CAMK1D: variants seen among roughly 807,000 people sequenced by gnomAD.
The protein encoded by CAMK1D is calcium/calmodulin-dependent protein kinase type 1D.
Under a neutral mutation model 47.7 loss-of-function variants are expected in CAMK1D, and 9 were observed. The observed-to-expected ratio is 0.19, with a 90% confidence interval of 0.11 to 0.33. The LOEUF is 0.33. CAMK1D is among the 10% of genes least tolerant of loss of function. The pLI is 1.00. For synonymous variants in CAMK1D, 184 were observed against 184.9 expected (o/e 0.99, Z 0.04); for missense variants, 291 against 488.7 (o/e 0.60, Z 3.81).
At chr10:12,505,049 A>G (rs1834828533) in intron 1 of CAMK1D, among the ~76,000 whole-genome samples, 1 of 152,168 alleles carries the variant, frequency 6.6e-6, no homozygotes, top group East Asian at 1.9e-4. Flanking sequence ...GTCAGGTACC[A>G]TCATCATTTT....
At chr10:12,485,280 C>T (rs922426271) in intron 1 of CAMK1D, among the ~76,000 whole-genome samples, 2 of 152,148 alleles carry the variant, frequency 1.3e-5, no homozygotes, top group African/African-American at 2.4e-5. Flanking sequence ...GGCTGCCTCT[C>T]GGCTGTCCCT....
intron 1 of CAMK1D, among the ~76,000 whole-genome samples, chr10:12,476,564 A>G (rs777779491): frequency 2.0e-4 from 31 of 152,334 alleles, no homozygotes; most frequent in Non-Finnish European, 3.8e-4. Flanking sequence ...TTACTCAGCG[A>G]AGATCATTAT....
At chr10:12,695,413 C>T (rs972806416) in intron 3 of CAMK1D, among the ~76,000 whole-genome samples, 1 of 152,146 alleles carries the variant, frequency 6.6e-6, no homozygotes, top group African/African-American at 2.4e-5. Context: ...CAAGGCGTGC[C>T]CTTCATAGGC....
chr10:12,563,007 A>T (rs542562301), intron 2 of CAMK1D, among the ~76,000 whole-genome samples: 38 of 152,334 alleles, frequency 2.5e-4, no homozygotes, highest in Middle Eastern at 6.8e-3. Context: ...AAGCAATAGG[A>T]TATATGTAGA....
chr10:12,739,760 G>A (rs1009003846), intron 3 of CAMK1D, among the ~76,000 whole-genome samples: 4 of 152,192 alleles, frequency 2.6e-5, no homozygotes, highest in African/African-American at 9.6e-5. Flanking sequence ...CTTGTAATCA[G>A]AAATTTCAAA....
At chr10:12,592,254 C>CT (rs577386860) in intron 2 of CAMK1D, among the ~76,000 whole-genome samples, 1 of 152,310 alleles carries the variant, frequency 6.6e-6, no homozygotes, top group African/African-American at 2.4e-5. Context: ...CAGGCACCCT[C>CT]TATCTTTCTC....
Position 12,542,853 on chromosome 10 carries a change from C to T in CAMK1D, c.93-10372C>T, listed in dbSNP as rs1331816879. Among the ~76,000 whole-genome samples the T allele has an allele frequency of 3.9e-5, 6 of 152,250 alleles. No homozygotes were observed. In the South Asian group the frequency reaches 1.2e-3, roughly 32 times the overall value. On this transcript the variant is annotated intron_variant, in intron 1 of 10. Coordinates refer to ENST00000619168, the MANE Select transcript of CAMK1D (RefSeq NM_153498.4). The stretch of plus-strand genomic sequence containing the variant: ...CTCCGCCTCCCGGGTTTGAGCAATT[C>T]TCCTGCCTCAGCCTCCCAAGTAGCT...
chr10:12,396,288 C>T (rs902154337), intron 1 of CAMK1D, among the ~76,000 whole-genome samples: 1 of 152,198 alleles, frequency 6.6e-6, no homozygotes, highest in African/African-American at 2.4e-5. Context: ...GGTGTCCTGT[C>T]TTCTTTACTA....
intron 5 of CAMK1D, among the ~76,000 whole-genome samples, chr10:12,788,572 C>T (rs962080932): frequency 1.3e-5 from 2 of 152,230 alleles, no homozygotes; most frequent in African/African-American, 4.8e-5. Flanking sequence ...ACGAGGCTGG[C>T]CCCGGATGGT....
At chr10:12,695,325 A>C (rs1281843900) in intron 3 of CAMK1D, among the ~76,000 whole-genome samples, 1 of 152,100 alleles carries the variant, frequency 6.6e-6, no homozygotes, top group Admixed American at 6.6e-5. Flanking sequence ...GGGCGAACAT[A>C]AGTCCCCACC....
chr10:12,387,397 T>TATAATATATA (rs199871181), intron 1 of CAMK1D, among the ~76,000 whole-genome samples: 1 of 83,738 alleles, frequency 1.2e-5, no homozygotes, highest in Non-Finnish European at 2.3e-5. Context: ...ATATTATATA[T>TATAATATATA]TTTTATATAT....
intron 2 of CAMK1D, among the ~76,000 whole-genome samples, chr10:12,635,155 G>A (rs901098993): frequency 1.3e-5 from 2 of 152,146 alleles, no homozygotes; most frequent in Non-Finnish European, 2.9e-5. Flanking sequence ...GTGTGGTGGA[G>A]GAGGAGAGTT....
chr10:12,501,372 C>T (rs553379889), intron 1 of CAMK1D, among the ~76,000 whole-genome samples: 18 of 152,162 alleles, frequency 1.2e-4, no homozygotes, highest in East Asian at 1.9e-4. Context: ...TGGTGAGGGG[C>T]GAGGGGGACT....
chr10:12,641,404 T>C lies in CAMK1D; in HGVS notation c.225-25332T>C, dbSNP rs191267178. On this transcript the variant is annotated intron_variant, in intron 2 of 10. Coordinates refer to ENST00000619168, the MANE Select transcript of CAMK1D (RefSeq NM_153498.4). ...TAGGAGACTGAGGCAAGAGGATGGC[T>C]CAAGCCCAGGAATTCGAGACCACTC... 1.0e-3 allele frequency among the ~76,000 whole-genome samples: 154 copies of C among 152,244 alleles called. 1 individual carries two copies. The highest frequency in any genetic ancestry group is 3.5e-3 in the African/African-American group (145 of 41,562).
At chr10:12,570,378 C>G (rs1159414196) in intron 2 of CAMK1D, among the ~76,000 whole-genome samples, 1 of 151,230 alleles carries the variant, frequency 6.6e-6, no homozygotes, top group African/African-American at 2.4e-5. Context: ...CTTCATTTAC[C>G]TTTTTCAGAT....
chr10:12,820,543 T>C (rs1832978178), intron 8 of CAMK1D, among the ~76,000 whole-genome samples: 1 of 152,120 alleles, frequency 6.6e-6, no homozygotes, highest in Non-Finnish European at 1.5e-5. Context: ...GCGGCAGCAT[T>C]CTGGAAGCTG....
intron 6 of CAMK1D, among the ~76,000 whole-genome samples, chr10:12,808,958 A>G (rs572926549): frequency 2.0e-5 from 3 of 152,074 alleles, no homozygotes; most frequent in African/African-American, 7.2e-5. Context: ...CTCTACTAAA[A>G]ATACAAAAAT....
intron 6 of CAMK1D, among the ~76,000 whole-genome samples, chr10:12,810,632 G>A (rs1205513659): frequency 6.6e-6 from 1 of 152,164 alleles, no homozygotes; most frequent in Non-Finnish European, 1.5e-5. Context: ...GAGAGGCAGG[G>A]TCCCATCAGA....
intron 6 of CAMK1D, among the ~76,000 whole-genome samples, chr10:12,801,136 G>T (rs1419937463): frequency 6.6e-6 from 1 of 151,922 alleles, no homozygotes; most frequent in Non-Finnish European, 1.5e-5. Flanking sequence ...GAGTTGGGAT[G>T]AAAAGGAGAA....
Sources: allele counts gnomAD v4.1 joint callset (sites outside exome capture counted in the v4.1 genomes callset), GRCh38; gene constraint gnomAD v4.1.1; transcripts MANE v1.5; gene names NCBI Gene and HGNC (gene_info 2026-07-23, HGNC 2026-07-21).